ZNF432: variants seen among roughly 807,000 people sequenced by gnomAD.
ZNF432 encodes the protein zinc finger protein 432.
Under a neutral mutation model 13.9 loss-of-function variants are expected in ZNF432, and 10 were observed. That is an observed-to-expected ratio of 0.72 (90% CI 0.44 to 1.22). The LOEUF (loss-of-function observed/expected upper bound fraction) is 1.22. Ranked by LOEUF, ZNF432 falls within the 50% of genes most tolerant of loss-of-function variation. The pLI, the probability that ZNF432 is intolerant of heterozygous loss-of-function variation, is 0.00. For synonymous variants in ZNF432, 247 were observed against 256.2 expected, an observed-to-expected ratio of 0.96 and a Z score of 0.34; for missense variants, 793 against 796.2, an observed-to-expected ratio of 1.00 and a Z score of 0.05.
chr19:52,036,104 T>C (rs2087078302), intron 4 of ZNF432, among the ~76,000 whole-genome samples: 1 of 152,144 alleles, frequency 6.6e-6, no homozygotes, highest in Non-Finnish European at 1.5e-5. Context: ...CCACAAAATT[T>C]TGGGAGACAC....
rs1482829685 is a variant in ZNF432, at chr19:52,034,471, C to T, written c.1208G>A (p.Cys403Tyr). ...RTHTGEKPYI[C>Y]SECGKGFPRK... is the part of the protein sequence containing the mutation. ...GGGAAAGCCTTTTCCACATTCACTG[C>T]ATATGTAGGGTTTCTCTCCTGTATG... The change falls in exon 5 of 5, where the codon TGC becomes TAC. Residue 403 changes from cysteine to tyrosine, a missense_variant. Transcript: ENST00000221315. 1.2e-6 allele frequency: 2 copies of T among 1,613,920 alleles called. No individual in the cohort carries two copies. The highest frequency in any genetic ancestry group is 2.7e-5 in the African/African-American group (2 of 74,934).
At chr19:52,043,110 AG>A (rs2087150695) in intron 2 of ZNF432, among the ~76,000 whole-genome samples, 1 of 152,204 alleles carries the variant, frequency 6.6e-6, no homozygotes, top group African/African-American at 2.4e-5. Context: ...AACTTGAGGC[AG>A]GAAAGAGCTA....
rs761485689 is a variant in ZNF432, at chr19:52,033,836, G to A, written c.1843C>T (p.His615Tyr). The A allele has an allele frequency of 1.2e-6, 2 of 1,614,084 alleles. No individual in the cohort carries two copies. Among genetic ancestry groups the A allele is most frequent in the East Asian group, 2.2e-5 (1 of 44,868 alleles). The change falls in exon 5 of 5, where the codon CAT (histidine) becomes TAT (tyrosine). Residue 615 changes from histidine (H) to tyrosine (Y), a missense_variant. His to Tyr is a moderately conservative substitution (Grantham distance 83). Coordinates refer to ENST00000221315, the MANE Select transcript of ZNF432 (RefSeq NM_014650.4). ...GFTMKSRLIV[H>Y]QRTHTGEKPF... Reference sequence around the variant, plus strand: ...TTCTCTCCTGTATGAGTTCGTTGATGAACAATTAGACGGCTCTTCATAGTG... The same window carrying A: ...TTCTCTCCTGTATGAGTTCGTTGATAAACAATTAGACGGCTCTTCATAGTG...
chr19:52,039,590 T>C (rs145456267), intron 4 of ZNF432, among the ~76,000 whole-genome samples: 232 of 152,126 alleles, frequency 1.5e-3, no homozygotes, highest in African/African-American at 5.4e-3. Flanking sequence ...TCCCAGCACT[T>C]TGGGAGGCCG....
In ZNF432 at chr19:52,035,420, GATC is replaced by G; in HGVS notation, c.256_258del (p.Asp86del). ...TGATTTTCCAAGTGATCCTGCAGATGATCATCAACTTCGTTGTTTTCTAGGAAA... is the reference window on the plus strand; with the variant it reads ...TGATTTTCCAAGTGATCCTGCAGATGATCAACTTCGTTGTTTTCTAGGAAA... On this transcript the variant is annotated inframe_deletion, in exon 5 of 5. Transcript: ENST00000221315. The G allele has an allele frequency of 6.5e-7, 1 of 1,549,968 alleles. No homozygotes were observed. Among genetic ancestry groups the G allele is most frequent in the Non-Finnish European group, 8.7e-7 (1 of 1,154,098 alleles).
Position 52,032,435 on chromosome 19 carries a change from GTTTTTTT to G in ZNF432, c.*1278_*1284del, listed in dbSNP as rs58759272. 7.7e-6 allele frequency: 1 copy of G among 130,246 alleles called. No homozygotes were observed. The highest frequency in any genetic ancestry group is 2.9e-5 in the African/African-American group (1 of 34,866). 8.1% of individuals were successfully genotyped at this position (130,246 alleles called of 1,614,324 possible). ...AGATTTGTGACAGTCCTCAAATATG[GTTTTTTT>G]TTTTTTTTTTTGAGGCAGAGTTTCG... On this transcript the variant is annotated 3_prime_UTR_variant, in exon 5 of 5. Coordinates refer to ENST00000221315, the MANE Select transcript of ZNF432 (RefSeq NM_014650.4).
chr19:52,032,964 GCT>G lies in ZNF432; in HGVS notation c.*754_*755del, dbSNP rs2087029791. 6.6e-6 allele frequency: 1 copy of G among 152,188 alleles called. No individual in the cohort carries two copies. The highest frequency in any genetic ancestry group is 1.5e-5 in the Non-Finnish European group (1 of 68,046). The allele number at this position is 152,188 out of a possible 1,614,324, so 9.4% of individuals were successfully genotyped here. ...GCAAAGGCTTTCCCATGATAATGCT[GCT>G]AGTATGTGTAAGTTCATTGATGATC... On this transcript the variant is annotated 3_prime_UTR_variant, in exon 5 of 5. Coordinates refer to ENST00000221315, the MANE Select transcript of ZNF432 (RefSeq NM_014650.4).
chr19:52,045,963 C>T (rs942883635), intron 2 of ZNF432, among the ~76,000 whole-genome samples: 4 of 142,438 alleles, frequency 2.8e-5, no homozygotes, highest in South Asian at 4.5e-4. Context: ...CACTGCACTC[C>T]GGCTTGGGCA....
At chr19:52,042,108 T>C (rs966618487) in intron 2 of ZNF432, among the ~76,000 whole-genome samples, 32 of 152,208 alleles carry the variant, frequency 2.1e-4, no homozygotes, top group African/African-American at 7.5e-4. Flanking sequence ...CTTGGAAACA[T>C]ACATTAAATA....
In ZNF432 at chr19:52,046,827, G is replaced by A. The variant is rs567509634; in HGVS notation, c.15+27C>T. 22 of 1,611,440 alleles carry A rather than the reference G, an allele frequency of 1.4e-5. No individual in the cohort carries two copies. The South Asian group carries it at 2.4e-4, about 18-fold the overall frequency. ...TCTACAAATCCACTATGGAATAAAG[G>A]AGAGAATAAAATAGAGAAAAAGTCA... On this transcript the variant is annotated intron_variant, in intron 2 of 4. Coordinates refer to ENST00000221315, the MANE Select transcript of ZNF432 (RefSeq NM_014650.4).
intron 2 of ZNF432, among the ~76,000 whole-genome samples, chr19:52,043,345 T>TA (rs2087153087): frequency 6.6e-6 from 1 of 152,214 alleles, no homozygotes; most frequent in Admixed American, 6.5e-5. Flanking sequence ...TGTGCTTTGT[T>TA]AAACAGATGC....
At chr19:52,038,913 T>C (rs2087108788) in intron 4 of ZNF432, among the ~76,000 whole-genome samples, 1 of 152,276 alleles carries the variant, frequency 6.6e-6, no homozygotes, top group Non-Finnish European at 1.5e-5. Flanking sequence ...ACAATATGAT[T>C]TGTGATAGGG....
At chr19:52,035,841 T>G (rs1363213160) in intron 4 of ZNF432, among the ~76,000 whole-genome samples, 1 of 152,172 alleles carries the variant, frequency 6.6e-6, no homozygotes, top group Non-Finnish European at 1.5e-5. Flanking sequence ...CCAGGTGTTT[T>G]TAAATATCGC....
intron 4 of ZNF432, among the ~76,000 whole-genome samples, chr19:52,036,006 A>G (rs2087077756): frequency 6.6e-6 from 1 of 152,258 alleles, no homozygotes; most frequent in Admixed American, 6.5e-5. Flanking sequence ...ACAGCTTTCT[A>G]AACAGGACCT....
At chr19:52,048,646 C>CAGAA in intron 1 of ZNF432, 49 bp downstream of exon 1, 1 of 152,474 alleles carries the variant, frequency 6.6e-6, no homozygotes, top group South Asian at 2.1e-4. Flanking sequence ...CAGACGCCCT[C>CAGAA]AGAAAGCTCC....
In ZNF432 at chr19:52,033,411, C is replaced by T. The variant is rs2087034812; in HGVS notation, c.*309G>A. On this transcript the variant is annotated 3_prime_UTR_variant, in exon 5 of 5. Coordinates refer to ENST00000221315, the MANE Select transcript of ZNF432 (RefSeq NM_014650.4). ...AGATTCTCTGCAAAAGGACTATGTA[C>T]CTTACACATTTGTCATGTGGACGTT... is the stretch of plus-strand genomic sequence containing the variant. The T allele has an allele frequency of 3.2e-6, 1 of 317,392 alleles. No homozygotes were observed. Among genetic ancestry groups the T allele is most frequent in the Non-Finnish European group, 5.8e-6 (1 of 173,236 alleles). 19.7% of individuals were successfully genotyped at this position (317,392 alleles called of 1,614,324 possible). A position where few individuals can be genotyped will look rare whatever the true frequency, so the allele number is the denominator to read the frequency against.
intron 2 of ZNF432, among the ~76,000 whole-genome samples, chr19:52,045,743 C>T (rs2087175240): frequency 2.0e-5 from 3 of 150,732 alleles, no homozygotes; most frequent in Admixed American, 2.0e-4. Flanking sequence ...GCCTGTAATC[C>T]CAGCACTTTG....
chr19:52,035,054 C>T lies in ZNF432; in HGVS notation c.625G>A (p.Glu209Lys), dbSNP rs1425378809. 6.2e-7 allele frequency: 1 copy of T among 1,614,166 alleles called. No homozygotes were observed. The highest frequency in any genetic ancestry group is 2.2e-5 in the East Asian group (1 of 44,880). ...TTCTTGACAAACGCTTTCCCACATT[C>T]ACTGCATACGTGGTTTTTTTCTATT... Reference protein sequence around the residue: ...HEIEKNHVCSECGKAFVKKSQ... With the variant: ...HEIEKNHVCSKCGKAFVKKSQ... Residue 209 changes from glutamate (E) to lysine (K), a missense_variant, in exon 5 of 5, where the codon GAA (glutamate) becomes AAA (lysine). Coordinates refer to ENST00000221315, the MANE Select transcript of ZNF432 (RefSeq NM_014650.4).
At chr19:52,039,212 A>G (rs7260097) in intron 4 of ZNF432, among the ~76,000 whole-genome samples, 7,526 of 152,316 alleles carry the variant, frequency 0.049, 286 homozygotes, top group African/African-American at 0.1. Context: ...TGACCTGGCA[A>G]TTCTACTCCT....
Sources: allele counts gnomAD v4.1 joint callset (sites outside exome capture counted in the v4.1 genomes callset), GRCh38; gene constraint gnomAD v4.1.1; transcripts MANE v1.5; gene names NCBI Gene and HGNC (gene_info 2026-07-23, HGNC 2026-07-21).